The following MAGI3 variants were observed in gnomAD, a reference collection of about 807,000 sequenced individuals.
MAGI3 encodes membrane-associated guanylate kinase, WW and PDZ domain-containing protein 3.
A neutral mutation model predicts 121.8 loss-of-function variants in MAGI3; 43 were observed. The ratio of observed to expected loss-of-function variants is 0.35; its 90% CI spans 0.28 to 0.46. The LOEUF (loss-of-function observed/expected upper bound fraction) is 0.46, where lower values mean the gene tolerates loss of function less well. Ranked by LOEUF, MAGI3 falls within the 20% of genes least tolerant of loss-of-function variation. The pLI is 1.00. For synonymous variants in MAGI3, 553 were observed against 639.3 expected (o/e 0.86, Z 2.04); for missense variants, 1,547 against 1,797.3 (o/e 0.86, Z 2.52).
At chr1:113,456,983 G>A (rs1366668668) in intron 1 of MAGI3, among the ~76,000 whole-genome samples, 1 of 151,932 alleles carries the variant, frequency 6.6e-6, no homozygotes, top group Non-Finnish European at 1.5e-5. Context: ...AGAAACCAAA[G>A]AGAAAATTAA....
At chr1:113,619,295 T>A (rs1387584057) in intron 7 of MAGI3, among the ~76,000 whole-genome samples, 1 of 152,206 alleles carries the variant, frequency 6.6e-6, no homozygotes, top group African/African-American at 2.4e-5. Flanking sequence ...GTAATAGTAA[T>A]ATAATTTAAA....
chr1:113,646,352 A>T (rs1204369897), intron 11 of MAGI3, 134 bp from the exon 12 acceptor site: 3 of 619,006 alleles, frequency 4.8e-6, no homozygotes, highest in Non-Finnish European at 7.9e-6. Flanking sequence ...TGTAACTGTA[A>T]ATCTGCTGTG....
At position 113,580,673 on chromosome 1, in the gene MAGI3, A is replaced by G. The variant is rs768598630; in HGVS notation, c.553+12A>G. 10 of 1,593,510 alleles carry G rather than the reference A, an allele frequency of 6.3e-6. No homozygotes were observed. Among genetic ancestry groups the G allele is most frequent in the South Asian group, 2.3e-5 (2 of 87,154 alleles). On this transcript the variant is annotated intron_variant, in intron 3 of 20. Coordinates refer to ENST00000307546, the MANE Select transcript of MAGI3 (RefSeq NM_001142782.2). ...TGGGACATATGATGGTATGTCCCCA[A>G]ATAACATCACTACCACCCAAAAAAC...
intron 4 of MAGI3, among the ~76,000 whole-genome samples, chr1:113,588,305 C>T (rs750733718): frequency 6.6e-6 from 1 of 152,066 alleles, no homozygotes; most frequent in Non-Finnish European, 1.5e-5. Context: ...AATATTCAGG[C>T]AATAGCAAGG....
At chr1:113,428,449 G>C (rs928921280) in intron 1 of MAGI3, among the ~76,000 whole-genome samples, 1 of 152,070 alleles carries the variant, frequency 6.6e-6, no homozygotes, top group Non-Finnish European at 1.5e-5. Context: ...CTCTATATGT[G>C]GAACTCTTTC....
At chr1:113,664,925 A>G (rs1014306815) in intron 16 of MAGI3, among the ~76,000 whole-genome samples, 3 of 152,178 alleles carry the variant, frequency 2.0e-5, no homozygotes, top group Non-Finnish European at 4.4e-5. Context: ...ATAAATATCT[A>G]TCTTTTTCTG....
rs779936104 is a variant in MAGI3 at position 113,651,169 on chromosome 1, T to C, written c.2403T>C (p.His801=). Residue 801 remains histidine, a synonymous_variant, in exon 14 of 21, where the codon CAT becomes CAC. Transcript: ENST00000307546. ...TGACAACTGCTGCTCGAAATGGCCA[T>C]GTGTTACTAACTGTCAGACGGAAGA... ...DLMTTAARNG[H]VLLTVRRKIF... 1.6e-5 allele frequency: 26 copies of C among 1,613,640 alleles called. No individual in the cohort carries two copies. Among genetic ancestry groups the C allele is most frequent in the Non-Finnish European group, 2.2e-5 (26 of 1,179,964 alleles).
rs1648420059 is a variant in MAGI3, at chr1:113,684,322, TGTG to T, written c.*311_*313del. 1 of 204,232 alleles carries T rather than the reference TGTG, an allele frequency of 4.9e-6. No homozygotes were observed. The highest frequency in any genetic ancestry group is 5.2e-5 in the Admixed American group (1 of 19,276). The allele number at this position is 204,232 out of a possible 1,614,324, so 12.7% of individuals were successfully genotyped here. On this transcript the variant is annotated 3_prime_UTR_variant, in exon 21 of 21. Coordinates refer to ENST00000307546, the MANE Select transcript of MAGI3 (RefSeq NM_001142782.2). Reference sequence around the variant, plus strand: ...AAATGACATATGTTGATATTAACAATGTGGTCACAACTCACTTTGTATTTGTGC... The same window carrying T: ...AAATGACATATGTTGATATTAACAATGTCACAACTCACTTTGTATTTGTGC...
intron 2 of MAGI3, among the ~76,000 whole-genome samples, chr1:113,567,041 C>T (rs1185108218): frequency 6.9e-6 from 1 of 145,138 alleles, no homozygotes; most frequent in East Asian, 2.0e-4. Flanking sequence ...AATTGATAAA[C>T]CCTTACTTAG....
chr1:113,575,491 A>G (rs1647569238), intron 2 of MAGI3, among the ~76,000 whole-genome samples: 1 of 152,122 alleles, frequency 6.6e-6, no homozygotes, highest in South Asian at 2.1e-4. Context: ...TCCACTCCAG[A>G]CCCTGTTTGC....
chr1:113,636,477 C>T (rs1452411218), intron 9 of MAGI3, among the ~76,000 whole-genome samples: 1 of 152,156 alleles, frequency 6.6e-6, no homozygotes, highest in Non-Finnish European at 1.5e-5. Context: ...GTCTTCATTT[C>T]GTTATGTACC....
chr1:113,536,144 GT>G (rs34587648), intron 1 of MAGI3, among the ~76,000 whole-genome samples: 32,614 of 145,386 alleles, frequency 0.22, 4,273 homozygotes, highest in South Asian at 0.36. Context: ...GAAGACATGT[GT>G]TTTTTTTTTT....
chr1:113,638,068 C>T (rs939301381), intron 9 of MAGI3, among the ~76,000 whole-genome samples: 8 of 152,216 alleles, frequency 5.3e-5, no homozygotes, highest in Non-Finnish European at 1.0e-4. Context: ...CGAGCCTTGG[C>T]TTTCAGCTCC....
chr1:113,641,619 A>G (rs1321040278), intron 9 of MAGI3, among the ~76,000 whole-genome samples: 1 of 152,016 alleles, frequency 6.6e-6, no homozygotes, highest in African/African-American at 2.4e-5. Flanking sequence ...CAGAGGGTAT[A>G]CTAACAATGA....
chr1:113,629,897 A>G (rs534628684), intron 9 of MAGI3, among the ~76,000 whole-genome samples: 18 of 151,354 alleles, frequency 1.2e-4, no homozygotes, highest in Non-Finnish European at 2.2e-4. Context: ...TGGGTGAGAC[A>G]TGAAACCAGC....
At chr1:113,572,609 G>GGGAA (rs1647368193) in intron 2 of MAGI3, among the ~76,000 whole-genome samples, 1 of 151,994 alleles carries the variant, frequency 6.6e-6, no homozygotes, top group South Asian at 2.1e-4. Context: ...ACTTCTTCCT[G>GGGAA]GTTTAGTCTT....
At chr1:113,442,596 G>T (rs989704205) in intron 1 of MAGI3, among the ~76,000 whole-genome samples, 1 of 151,146 alleles carries the variant, frequency 6.6e-6, no homozygotes, top group African/African-American at 2.4e-5. Flanking sequence ...TATATATAAC[G>T]TACAGGCATA....
intron 1 of MAGI3, among the ~76,000 whole-genome samples, chr1:113,496,922 C>T (rs1570760563): frequency 6.6e-6 from 1 of 152,232 alleles, no homozygotes; most frequent in East Asian, 1.9e-4. Flanking sequence ...ATTATATTGC[C>T]TGACTTGCAT....
chr1:113,640,141 G>A (rs377357893), intron 9 of MAGI3, among the ~76,000 whole-genome samples: 4 of 152,090 alleles, frequency 2.6e-5, no homozygotes, highest in East Asian at 1.9e-4. Flanking sequence ...GCTCAACATC[G>A]CTGATTATTA....
Sources: gnomAD v4.1 joint callset for allele counts (sites outside exome capture counted in the v4.1 genomes callset) on GRCh38, gnomAD v4.1.1 for gene constraint, MANE v1.5 for transcripts, NCBI Gene and HGNC (gene_info 2026-07-23, HGNC 2026-07-21) for gene names.